The following NRG1 variants were observed in gnomAD, a reference collection of about 807,000 sequenced individuals.
The protein encoded by NRG1 is pro-neuregulin-1, membrane-bound isoform.
Under a neutral mutation model 63.8 loss-of-function variants are expected in NRG1, and 18 were observed. The ratio of observed to expected loss-of-function variants is 0.28; its 90% CI spans 0.19 to 0.42. NRG1 has a LOEUF of 0.42. Among genes scored for constraint, NRG1 ranks in the 10% least tolerant of loss-of-function variants. The pLI, the probability that NRG1 is intolerant of heterozygous loss-of-function variation, is 1.00. For missense variants in NRG1, 762 were observed against 814.7 expected (o/e 0.94, Z 0.79); for synonymous variants, 302 against 301.3 (o/e 1.00, Z -0.02).
chr8:31,874,657 T>G (rs1829759747), intron 1 of NRG1, among the ~76,000 whole-genome samples: 1 of 152,208 alleles, frequency 6.6e-6, no homozygotes, highest in African/African-American at 2.4e-5. Flanking sequence ...TTATTGACTA[T>G]AGTCACCCAG....
At chr8:32,615,360 A>G (rs1161645477) in intron 4 of NRG1, among the ~76,000 whole-genome samples, 1 of 152,096 alleles carries the variant, frequency 6.6e-6, no homozygotes, top group African/African-American at 2.4e-5. Flanking sequence ...CAGAGGTACA[A>G]TGGTAATTTG....
intron 5 of NRG1, among the ~76,000 whole-genome samples, chr8:32,618,374 C>G (rs1429383112): frequency 6.6e-6 from 1 of 152,108 alleles, no homozygotes; most frequent in Non-Finnish European, 1.5e-5. Context: ...TATCCTTAAG[C>G]ATATCTGAGC....
intron 1 of NRG1, among the ~76,000 whole-genome samples, chr8:32,346,232 T>C (rs1160631850): frequency 6.8e-6 from 1 of 148,060 alleles, no homozygotes; most frequent in African/African-American, 2.5e-5. Flanking sequence ...TGGATAATTA[T>C]ATATAGATGA....
chr8:31,905,216 C>A (rs1276218014), intron 1 of NRG1, among the ~76,000 whole-genome samples: 1 of 152,068 alleles, frequency 6.6e-6, no homozygotes, highest in Non-Finnish European at 1.5e-5. Flanking sequence ...GTAAAATTTC[C>A]TCTGAAGCCT....
intron 1 of NRG1, among the ~76,000 whole-genome samples, chr8:31,922,612 G>A (rs1411881478): frequency 6.6e-6 from 1 of 152,262 alleles, no homozygotes; most frequent in Non-Finnish European, 1.5e-5. Flanking sequence ...TGTGGAAGTG[G>A]TAAGCTGGAA....
chr8:32,661,139 C>T (rs1802754142), intron 5 of NRG1, among the ~76,000 whole-genome samples: 2 of 152,184 alleles, frequency 1.3e-5, no homozygotes, highest in South Asian at 2.1e-4. Flanking sequence ...AAAAATGCTG[C>T]CCTCTCTGGC....
intron 1 of NRG1, among the ~76,000 whole-genome samples, chr8:31,792,168 A>G (rs979427071): frequency 2.0e-5 from 3 of 152,224 alleles, no homozygotes; most frequent in Admixed American, 2.0e-4. Flanking sequence ...TGAAAAGCAC[A>G]TTACTCTTTA....
chr8:32,418,066 G>T (rs1201284906), intron 1 of NRG1, among the ~76,000 whole-genome samples: 1 of 152,052 alleles, frequency 6.6e-6, no homozygotes, highest in Non-Finnish European at 1.5e-5. Context: ...TCTATGCATT[G>T]TCTTTGAAAG....
chr8:32,711,112 C>G (rs948162850), intron 5 of NRG1, among the ~76,000 whole-genome samples: 1 of 152,018 alleles, frequency 6.6e-6, no homozygotes, highest in Admixed American at 6.6e-5. Flanking sequence ...GAGGCGTCAT[C>G]GGGCAGAATA....
At chr8:32,731,420 G>C (rs1379186449) in intron 6 of NRG1, among the ~76,000 whole-genome samples, 2 of 130,782 alleles carry the variant, frequency 1.5e-5, no homozygotes, top group Non-Finnish European at 3.2e-5. Context: ...TTTTTTTTTT[G>C]TAATTAGGAT....
chr8:32,720,494 GT>G (rs1272311722), intron 5 of NRG1, among the ~76,000 whole-genome samples: 1 of 152,108 alleles, frequency 6.6e-6, no homozygotes, highest in Non-Finnish European at 1.5e-5. Flanking sequence ...CAGCTTGAAA[GT>G]TTGTGGACTC....
intron 5 of NRG1, among the ~76,000 whole-genome samples, chr8:32,725,787 T>G (rs1227328737): frequency 6.6e-6 from 1 of 152,048 alleles, no homozygotes; most frequent in Non-Finnish European, 1.5e-5. Flanking sequence ...TTCCTGATAT[T>G]TTTAAAGGCA....
At chr8:31,825,238 A>G (rs1824425901) in intron 1 of NRG1, among the ~76,000 whole-genome samples, 1 of 152,038 alleles carries the variant, frequency 6.6e-6, no homozygotes. Flanking sequence ...AAATACAAAA[A>G]CTAGCCGGGT....
chr8:32,087,290 T>C (rs1280019214), intron 1 of NRG1, among the ~76,000 whole-genome samples: 2 of 152,012 alleles, frequency 1.3e-5, no homozygotes, highest in African/African-American at 4.8e-5. Context: ...ATGTGAGATC[T>C]GGTTGTTTAA....
chr8:32,193,918 A>G (rs1842733600), intron 1 of NRG1, among the ~76,000 whole-genome samples: 1 of 152,248 alleles, frequency 6.6e-6, no homozygotes, highest in African/African-American at 2.4e-5. Flanking sequence ...AAGGCCTGGG[A>G]CAGGCCCTTC....
At chr8:31,721,161 C>T (rs899402405) in intron 1 of NRG1, among the ~76,000 whole-genome samples, 1 of 152,010 alleles carries the variant, frequency 6.6e-6, no homozygotes, top group Non-Finnish European at 1.5e-5. Context: ...GGAAACTTTG[C>T]CAATTTTTTT....
intron 1 of NRG1, among the ~76,000 whole-genome samples, chr8:32,159,256 C>T (rs769070891): frequency 6.6e-6 from 1 of 152,120 alleles, no homozygotes; most frequent in African/African-American, 2.4e-5. Context: ...AAGGCTTGGC[C>T]GGGCGCGGTG....
intron 1 of NRG1, among the ~76,000 whole-genome samples, chr8:31,734,157 T>A (rs934087193): frequency 6.6e-6 from 1 of 151,760 alleles, no homozygotes; most frequent in Non-Finnish European, 1.5e-5. Context: ...CAAGACCCCA[T>A]GTCTACAAAA....
At chr8:31,902,030 T>C (rs1832127663) in intron 1 of NRG1, among the ~76,000 whole-genome samples, 1 of 152,144 alleles carries the variant, frequency 6.6e-6, no homozygotes, top group Non-Finnish European at 1.5e-5. Context: ...TTTACAGATA[T>C]TTATGTTGTA....
Sources: gnomAD v4.1 joint callset for allele counts (sites outside exome capture counted in the v4.1 genomes callset) on GRCh38, gnomAD v4.1.1 for gene constraint, MANE v1.5 for transcripts, NCBI Gene and HGNC (gene_info 2026-07-23, HGNC 2026-07-21) for gene names.